AFF2: variants seen among roughly 807,000 people sequenced by gnomAD.
The protein encoded by AFF2 is ALF transcription elongation factor 2.
Under a neutral mutation model 76.9 loss-of-function variants are expected in AFF2, and 14 were observed. The ratio of observed to expected loss-of-function variants is 0.18; its 90% confidence interval spans 0.12 to 0.28. AFF2 has a LOEUF of 0.28. Ranked by LOEUF, AFF2 falls within the 10% of genes least tolerant of loss-of-function variation. AFF2 has a pLI of 1.00. For synonymous variants in AFF2, 398 were observed against 366.7 expected (o/e 1.09, Z -0.98); for missense variants, 868 against 1,001.1 (o/e 0.87, Z 1.79).
chrX:148,912,283 A>C (rs782017575), intron 9 of AFF2, among the ~76,000 whole-genome samples: 1 of 111,983 alleles, frequency 8.9e-6, no homozygotes, highest in East Asian at 2.8e-4. Flanking sequence ...TCCCTCCCCT[A>C]GCCCTCCACC....
chrX:148,658,618 T>G (rs1411306015), intron 2 of AFF2, among the ~76,000 whole-genome samples: 3 of 112,625 alleles, frequency 2.7e-5, no homozygotes, highest in Non-Finnish European at 5.6e-5. Flanking sequence ...ATTGCTCAAG[T>G]GTTCTTGTAA....
chrX:148,868,851 A>G (rs1422406266), intron 7 of AFF2, among the ~76,000 whole-genome samples: 1 of 111,676 alleles, frequency 9.0e-6, no homozygotes, highest in Admixed American at 9.5e-5. Flanking sequence ...AAATGGCAAA[A>G]ACGGCTTAAC....
intron 3 of AFF2, among the ~76,000 whole-genome samples, chrX:148,669,750 A>G (rs1277337735): frequency 9.0e-6 from 1 of 111,613 alleles, no homozygotes; most frequent in Non-Finnish European, 1.9e-5. Flanking sequence ...CAGCCAAACC[A>G]TATCACTTGA....
intron 1 of AFF2, among the ~76,000 whole-genome samples, chrX:148,561,979 G>C (rs1168920818): frequency 8.9e-6 from 1 of 111,765 alleles, no homozygotes; most frequent in African/African-American, 3.3e-5. Flanking sequence ...CTTGCATGTG[G>C]AGCTATTATG....
chrX:148,830,802 C>T (rs192808323), intron 4 of AFF2, among the ~76,000 whole-genome samples: 35 of 111,635 alleles, frequency 3.1e-4, no homozygotes, highest in East Asian at 1.1e-3. Context: ...TTGATAACAT[C>T]TTATCAGGTG....
intron 1 of AFF2, among the ~76,000 whole-genome samples, chrX:148,607,771 GA>G (rs1244875866): frequency 8.1e-5 from 9 of 111,221 alleles, no homozygotes; most frequent in Admixed American, 4.8e-4. Context: ...TAATTATAAG[GA>G]AAAAAATCTC....
At chrX:148,577,316 C>T (rs1272362008) in intron 1 of AFF2, among the ~76,000 whole-genome samples, 2 of 112,278 alleles carry the variant, frequency 1.8e-5, no homozygotes, top group African/African-American at 6.4e-5. Context: ...CACGTGCGCA[C>T]AAGTCAACCA....
At chrX:148,656,896 C>T in intron 2 of AFF2, among the ~76,000 whole-genome samples, 1 of 111,657 alleles carries the variant, frequency 9.0e-6, no homozygotes, top group Middle Eastern at 4.6e-3. Flanking sequence ...TGTATGATTC[C>T]GTATCTGTAA....
Position 148,953,625 on chromosome X carries a change from C to G in AFF2, c.1443C>G (p.Ser481Arg), listed in dbSNP as rs782061672. The stretch of plus-strand genomic sequence containing the variant: ...AGCCCCCACCTGCAGTGCAAGCCAG[C>G]GGGGGTTCTGGCAGCTCCAGCGAAT... ...TPQPPPAVQA[S>R]GGSGSSSESE... The change falls in exon 10 of 21, where the codon AGC becomes AGG. Residue 481 changes from serine (S) to arginine (R), a missense_variant. By Grantham distance (110) the Ser-to-Arg change is moderately radical (BLOSUM62 -1). Transcript: ENST00000370460. 8.3e-7 allele frequency: 1 copy of G among 1,211,468 alleles called. No individual in the cohort carries two copies. Among genetic ancestry groups the G allele is most frequent in the South Asian group, 1.8e-5 (1 of 56,912 alleles).
intron 1 of AFF2, among the ~76,000 whole-genome samples, chrX:148,603,071 T>A (rs951684264): frequency 8.9e-6 from 1 of 111,822 alleles, no homozygotes; most frequent in African/African-American, 3.2e-5. Context: ...AAGGGTAATG[T>A]CAGCAGCACA....
At chrX:148,567,024 T>A (rs782039268) in intron 1 of AFF2, among the ~76,000 whole-genome samples, 1 of 111,978 alleles carries the variant, frequency 8.9e-6, no homozygotes, top group Non-Finnish European at 1.9e-5. Context: ...GGACAGAGAC[T>A]GTATTTGTAA....
chrX:148,543,502 A>G (rs2052884248), intron 1 of AFF2, among the ~76,000 whole-genome samples: 1 of 111,092 alleles, frequency 9.0e-6, no homozygotes, highest in Non-Finnish European at 1.9e-5. Flanking sequence ...CTAAGCTGAA[A>G]AACAAAGTGA....
intron 1 of AFF2, among the ~76,000 whole-genome samples, chrX:148,642,110 A>G (rs1316685163): frequency 8.9e-6 from 1 of 112,031 alleles, no homozygotes; most frequent in Middle Eastern, 4.2e-3. Context: ...ATGAGAAAGC[A>G]AGCCTACGGT....
chrX:148,623,975 G>A (rs1164172160), intron 1 of AFF2, among the ~76,000 whole-genome samples: 2 of 111,516 alleles, frequency 1.8e-5, no homozygotes, highest in African/African-American at 6.5e-5. Context: ...TTCAGATAGT[G>A]ATTTTGTCAC....
intron 3 of AFF2, among the ~76,000 whole-genome samples, chrX:148,795,872 T>TGTATATAC (rs2069974533): frequency 3.0e-5 from 1 of 33,677 alleles, no homozygotes; most frequent in Non-Finnish European, 6.1e-5. Context: ...TATATATATA[T>TGTATATAC]ACACACCTAA....
rs781889154 is a variant in AFF2, at chrX:148,927,969, A to C, written c.1397+23711A>C. The stretch of plus-strand genomic sequence containing the variant: ...TTTCACTGTATTCCTGAAGATACAG[A>C]TGGTATCCAACATCTCCTCAATGAA... On this transcript the variant is annotated intron_variant, in intron 9 of 20. Transcript: ENST00000370460. Among the ~76,000 whole-genome samples, 3 of 112,032 alleles carry C rather than the reference A, an allele frequency of 2.7e-5. No homozygotes were observed. In the South Asian group the frequency reaches 1.1e-3, roughly 42 times the overall value.
At position 148,995,483 on chromosome X, in the gene AFF2, GTGGGGGC is replaced by G. The variant is rs2072585667; in HGVS notation, c.*4152_*4158del. 1.1e-5 allele frequency: 1 copy of G among 93,676 alleles called. No individual in the cohort carries two copies. Among genetic ancestry groups the G allele is most frequent in the African/African-American group, 4.1e-5 (1 of 24,150 alleles). 7.7% of individuals were successfully genotyped at this position (93,676 alleles called of 1,213,427 possible). On this transcript the variant is annotated 3_prime_UTR_variant, in exon 21 of 21. Transcript: ENST00000370460. ...TGGGGAGGGCAGAAAGGGGGTGGGG[GTGGGGGC>G]GGGGGGGTGGGGGGTGGGGAAGCCC...
At chrX:148,843,100 A>C in intron 6 of AFF2, 98 bp downstream of exon 6, 2 of 652,395 alleles carry the variant, frequency 3.1e-6, no homozygotes. Context: ...AACATGAAAG[A>C]ACAACAATAA....
At chrX:148,803,886 C>T (rs1241388025) in intron 3 of AFF2, among the ~76,000 whole-genome samples, 1 of 110,859 alleles carries the variant, frequency 9.0e-6, no homozygotes. Context: ...CCACTTAAGT[C>T]CCATCTCCAG....
Sources: allele counts gnomAD v4.1 joint callset (sites outside exome capture counted in the v4.1 genomes callset), GRCh38; gene constraint gnomAD v4.1.1; transcripts MANE v1.5; gene names NCBI Gene and HGNC (gene_info 2026-07-23, HGNC 2026-07-21).